Variants in CLCN4 observed in about 807,000 individuals in gnomAD.
The protein encoded by CLCN4 is H(+)/Cl(-) exchange transporter 4.
Under a neutral mutation model 41.7 loss-of-function variants are expected in CLCN4, and 1 was observed. That is an observed-to-expected ratio of 0.02 (90% CI 0.01 to 0.11). The LOEUF is 0.11. Ranked by LOEUF, CLCN4 falls within the 10% of genes least tolerant of loss-of-function variation. CLCN4 has a pLI of 1.00. For missense variants in CLCN4, 287 were observed against 661.0 expected, an observed-to-expected ratio of 0.43 and a Z score of 6.20; for synonymous variants, 277 against 285.8, an observed-to-expected ratio of 0.97 and a Z score of 0.31.
chrX:10,199,993 C>T (rs1032592191), intron 6 of CLCN4, among the ~76,000 whole-genome samples: 2 of 111,652 alleles, frequency 1.8e-5, no homozygotes, highest in Non-Finnish European at 3.8e-5. Flanking sequence ...TCATGTGATC[C>T]ATCCGCCTCG....
intron 12 of CLCN4, among the ~76,000 whole-genome samples, chrX:10,223,707 G>A (rs775257434): frequency 3.6e-5 from 4 of 111,634 alleles, no homozygotes; most frequent in Non-Finnish European, 7.5e-5. Context: ...TCGGAATGCC[G>A]CAATCTAGGA....
chrX:10,201,803 A>G lies in CLCN4; in HGVS notation c.555+3742A>G, dbSNP rs184482092. On this transcript the variant is annotated intron_variant, in intron 6 of 12. Transcript: ENST00000380833. ...CTTAGAGTGAAAAATTCCTTTGGAA[A>G]CATTTTTTAAAATGCAAATTTAGGT... Among the ~76,000 whole-genome samples, 7 of 111,884 alleles carry G rather than the reference A, an allele frequency of 6.3e-5. No homozygotes were observed. In the East Asian group the frequency reaches 2.0e-3, roughly 31 times the overall value.
chrX:10,211,288 A>G (rs1228194887), intron 9 of CLCN4, among the ~76,000 whole-genome samples: 2 of 107,719 alleles, frequency 1.9e-5, no homozygotes, highest in Non-Finnish European at 3.8e-5. Context: ...AAAAAAAAAA[A>G]GAAAAAAATT....
At chrX:10,216,916 T>TACAC in intron 11 of CLCN4, among the ~76,000 whole-genome samples, 1 of 20,428 alleles carries the variant, frequency 4.9e-5, no homozygotes, top group Non-Finnish European at 8.0e-5. Flanking sequence ...TATATATATA[T>TACAC]ATACACACAC....
intron 2 of CLCN4, among the ~76,000 whole-genome samples, chrX:10,180,767 C>CAAAAAAAAAA (rs869040200): frequency 2.8e-4 from 7 of 25,040 alleles, no homozygotes; most frequent in Admixed American, 2.1e-3. Context: ...AACTCCATCT[C>CAAAAAAAAAA]AAAAAAAAAA....
At chrX:10,178,601 A>G (rs1188292853) in intron 2 of CLCN4, among the ~76,000 whole-genome samples, 1 of 112,022 alleles carries the variant, frequency 8.9e-6, no homozygotes, top group African/African-American at 3.2e-5. Context: ...AGGATAAACT[A>G]AAAGATCCTA....
chrX:10,169,775 C>A, intron 2 of CLCN4, among the ~76,000 whole-genome samples: 1 of 84,990 alleles, frequency 1.2e-5, no homozygotes, highest in South Asian at 5.7e-4. Context: ...CTTTTTTTTT[C>A]TTTTTCTTTT....
intron 2 of CLCN4, among the ~76,000 whole-genome samples, chrX:10,163,482 A>G (rs1923165369): frequency 9.4e-6 from 1 of 106,512 alleles, no homozygotes; most frequent in Non-Finnish European, 1.9e-5. Context: ...ATCTCGGCTC[A>G]CTGCAACCTT....
intron 2 of CLCN4, among the ~76,000 whole-genome samples, chrX:10,176,697 G>A (rs1923541481): frequency 8.9e-6 from 1 of 111,880 alleles, no homozygotes; most frequent in Non-Finnish European, 1.9e-5. Context: ...TTTAATCTGA[G>A]TTATGACTTT....
chrX:10,201,454 AT>A (rs1924236325), intron 6 of CLCN4, among the ~76,000 whole-genome samples: 1 of 111,960 alleles, frequency 8.9e-6, no homozygotes, highest in Non-Finnish European at 1.9e-5. Flanking sequence ...AGGATACAGT[AT>A]TTTTCCCAGT....
intron 12 of CLCN4, among the ~76,000 whole-genome samples, chrX:10,224,851 T>C (rs966861692): frequency 1.8e-5 from 2 of 112,190 alleles, no homozygotes; most frequent in Non-Finnish European, 3.8e-5. Context: ...TGTTTGGTTT[T>C]CTGTTCCTGT....
At chrX:10,194,006 A>T (rs1005226173) in intron 4 of CLCN4, among the ~76,000 whole-genome samples, 78 of 106,938 alleles carry the variant, frequency 7.3e-4, no homozygotes, top group African/African-American at 2.6e-3. Flanking sequence ...GGAGAGGAAG[A>T]GGTTGAAGAT....
intron 12 of CLCN4, 76 bp downstream of exon 12, chrX:10,220,953 T>G (rs1293376533): frequency 1.2e-6 from 1 of 853,591 alleles, no homozygotes; most frequent in African/African-American, 2.0e-5. Flanking sequence ...CCCTGAAGAA[T>G]GTGGAGGGCC....
chrX:10,160,949 C>T (rs1354550796), intron 2 of CLCN4, among the ~76,000 whole-genome samples: 1 of 110,643 alleles, frequency 9.0e-6, no homozygotes, highest in African/African-American at 3.3e-5. Context: ...GGGAAACTCC[C>T]AAGAGACAGG....
chrX:10,178,572 C>G (rs748899939), intron 2 of CLCN4, among the ~76,000 whole-genome samples: 1 of 112,338 alleles, frequency 8.9e-6, no homozygotes, highest in African/African-American at 3.2e-5. Context: ...TTTACTAAAA[C>G]TGCAGTTCTC....
rs1924456614 is a variant in CLCN4, at chrX:10,208,561, G to A, written c.1360G>A (p.Val454Ile). The change falls in exon 9 of 13, where the codon GTC becomes ATC. Residue 454 changes from valine to isoleucine, a missense_variant. Val to Ile is a conservative substitution (Grantham distance 29). Around this residue, in one of 6 missense-constraint regions of CLCN4, gnomAD observed 94 missense variants for 177.9 expected, o/e 0.53. Coordinates refer to ENST00000380833, the MANE Select transcript of CLCN4 (RefSeq NM_001830.4). ...GGCCCTGGCACTGATCTTCAAAATC[G>A]TCGTTACCATATTTACCTTTGGCAT... ...QLALALIFKI[V>I]VTIFTFGMKI... is the part of the protein sequence containing the mutation. The A allele has an allele frequency of 5.0e-6, 6 of 1,206,687 alleles. No homozygotes were observed. The African/African-American group carries it at 5.3e-5, about 11-fold the overall frequency.
At chrX:10,210,569 T>C (rs760536715) in intron 9 of CLCN4, among the ~76,000 whole-genome samples, 2 of 110,657 alleles carry the variant, frequency 1.8e-5, no homozygotes, top group South Asian at 3.8e-4. Context: ...CTTAAACCCC[T>C]GAGCTCCAGT....
At chrX:10,225,507 T>C (rs776335244) in intron 12 of CLCN4, among the ~76,000 whole-genome samples, 1 of 112,447 alleles carries the variant, frequency 8.9e-6, no homozygotes, top group East Asian at 2.8e-4. Flanking sequence ...CTCTGTCAGA[T>C]GGATAGATTG....
At chrX:10,219,904 G>A (rs761402500) in intron 11 of CLCN4, among the ~76,000 whole-genome samples, 4 of 112,150 alleles carry the variant, frequency 3.6e-5, no homozygotes, top group Non-Finnish European at 7.5e-5. Flanking sequence ...TTCTAGCACC[G>A]CGTTAAGCTG....
Sources: allele counts gnomAD v4.1 joint callset (sites outside exome capture counted in the v4.1 genomes callset), GRCh38; gene constraint gnomAD v4.1.1; regional missense constraint gnomAD v4.1.1; transcripts MANE v1.5; gene names NCBI Gene and HGNC (gene_info 2026-07-23, HGNC 2026-07-21).